The following NTNG1 variants were observed in gnomAD, a reference collection of about 807,000 sequenced individuals.
The protein encoded by NTNG1 is netrin G1.
Under a neutral mutation model 54.0 loss-of-function variants are expected in NTNG1, and 16 were observed. The observed-to-expected ratio is 0.30, with a 90% CI of 0.20 to 0.45. The LOEUF (loss-of-function observed/expected upper bound fraction) is 0.45. Among genes scored for constraint, NTNG1 ranks in the 20% least tolerant of loss-of-function variants. NTNG1 has a pLI of 1.00. For missense variants in NTNG1, 530 were observed against 678.7 expected (o/e 0.78, Z 2.43); for synonymous variants, 255 against 263.1 (o/e 0.97, Z 0.30).
chr1:107,143,989 C>T (rs1189710192), intron 1 of NTNG1, among the ~76,000 whole-genome samples: 1 of 151,984 alleles, frequency 6.6e-6, no homozygotes, highest in African/African-American at 2.4e-5. Context: ...GCTCATAATA[C>T]CCAATCAAGT....
intron 2 of NTNG1, among the ~76,000 whole-genome samples, chr1:107,150,748 G>A (rs533816598): frequency 2.6e-5 from 4 of 152,242 alleles, no homozygotes; most frequent in East Asian, 3.9e-4. Flanking sequence ...GGTTTACTTG[G>A]TGTCTTCAGC....
intron 7 of NTNG1, among the ~76,000 whole-genome samples, chr1:107,440,529 T>C (rs1413542955): frequency 3.9e-5 from 6 of 152,198 alleles, no homozygotes; most frequent in Non-Finnish European, 7.3e-5. Context: ...ATAATGAATG[T>C]GGACCTCGTA....
chr1:107,290,381 G>C (rs2101760318), intron 2 of NTNG1, among the ~76,000 whole-genome samples: 1 of 152,270 alleles, frequency 6.6e-6, no homozygotes, highest in South Asian at 2.1e-4. Context: ...AAAGAGTATG[G>C]AGATAGAAAG....
At chr1:107,146,185 C>T (rs890330511) in intron 1 of NTNG1, among the ~76,000 whole-genome samples, 6 of 152,038 alleles carry the variant, frequency 3.9e-5, no homozygotes, top group South Asian at 4.2e-4. Context: ...CAGTCAATTC[C>T]GGGTCTTCAA....
At chr1:107,164,182 C>G (rs1002764493) in intron 2 of NTNG1, among the ~76,000 whole-genome samples, 3 of 152,202 alleles carry the variant, frequency 2.0e-5, no homozygotes, top group African/African-American at 2.4e-5. Flanking sequence ...TAGCTTTGTA[C>G]TGTGGCTTGA....
chr1:107,251,084 G>A (rs918497428), intron 2 of NTNG1, among the ~76,000 whole-genome samples: 6 of 152,172 alleles, frequency 3.9e-5, no homozygotes, highest in African/African-American at 1.2e-4. Flanking sequence ...ATTTCATGCA[G>A]TAATGCTTCA....
intron 5 of NTNG1, among the ~76,000 whole-genome samples, chr1:107,420,244 C>T (rs974496096): frequency 1.3e-5 from 2 of 152,070 alleles, no homozygotes; most frequent in African/African-American, 4.8e-5. Flanking sequence ...TTATGTAATA[C>T]CAGTTGCACT....
At chr1:107,420,819 C>T (rs112803649) in intron 5 of NTNG1, among the ~76,000 whole-genome samples, 25 of 151,966 alleles carry the variant, frequency 1.6e-4, no homozygotes, top group African/African-American at 5.8e-4. Flanking sequence ...TGGTAACAAT[C>T]CTTGCTTCAC....
rs145483187 is a variant in NTNG1, at chr1:107,179,962, T to G, written c.246+31123T>G. Among the ~76,000 whole-genome samples the G allele has an allele frequency of 5.0e-3, 768 of 152,222 alleles. 4 individuals are homozygous for G. The highest frequency in any genetic ancestry group is 0.017 in the African/African-American group (726 of 41,558). On this transcript the variant is annotated intron_variant, in intron 2 of 7. Transcript: ENST00000370068. ...GTCCAATATGCAAGATTGCAAAAGC[T>G]CCACTTTAAAACTCCGGTGTACACA...
intron 7 of NTNG1, among the ~76,000 whole-genome samples, chr1:107,458,536 A>T (rs1249006542): frequency 2.0e-5 from 3 of 152,208 alleles, no homozygotes; most frequent in Non-Finnish European, 4.4e-5. Context: ...AATAGGTATC[A>T]TTTGAGACAT....
intron 4 of NTNG1, among the ~76,000 whole-genome samples, chr1:107,398,658 G>T (rs1672837574): frequency 6.6e-6 from 1 of 152,094 alleles, no homozygotes; most frequent in African/African-American, 2.4e-5. Flanking sequence ...TTTTATTCAA[G>T]ACCCAGTGTG....
intron 7 of NTNG1, among the ~76,000 whole-genome samples, chr1:107,455,286 A>T (rs554079173): frequency 4.7e-4 from 72 of 151,862 alleles, no homozygotes; most frequent in Middle Eastern, 3.4e-3. Flanking sequence ...CTGGTGTCGA[A>T]CTCCTGACCT....
intron 2 of NTNG1, among the ~76,000 whole-genome samples, chr1:107,175,751 T>A (rs1656598046): frequency 6.6e-6 from 1 of 152,182 alleles, no homozygotes; most frequent in African/African-American, 2.4e-5. Flanking sequence ...TTTTCTTGAA[T>A]GAGATAATTT....
chr1:107,334,968 T>C (rs1454840030), intron 3 of NTNG1, among the ~76,000 whole-genome samples: 1 of 152,018 alleles, frequency 6.6e-6, no homozygotes, highest in Non-Finnish European at 1.5e-5. Flanking sequence ...TTTTTGGCTA[T>C]GTCACTTCAT....
chr1:107,359,816 G>C (rs1670155030), intron 3 of NTNG1, among the ~76,000 whole-genome samples: 1 of 149,012 alleles, frequency 6.7e-6, no homozygotes, highest in Middle Eastern at 3.5e-3. Context: ...AGTGTGATAA[G>C]ATGAAAAAAA....
At chr1:107,246,381 A>T (rs1353043498) in intron 2 of NTNG1, among the ~76,000 whole-genome samples, 2 of 147,964 alleles carry the variant, frequency 1.4e-5, no homozygotes, top group African/African-American at 5.0e-5. Context: ...TAAAGTCAAT[A>T]TGAGAGTTTT....
chr1:107,193,336 C>G (rs1345380303), intron 2 of NTNG1, among the ~76,000 whole-genome samples: 1 of 151,996 alleles, frequency 6.6e-6, no homozygotes, highest in African/African-American at 2.4e-5. Flanking sequence ...TTTGTGTTCT[C>G]CAAGCCTGGA....
At chr1:107,312,513 C>G (rs1279868000) in intron 2 of NTNG1, among the ~76,000 whole-genome samples, 1 of 152,108 alleles carries the variant, frequency 6.6e-6, no homozygotes, top group Non-Finnish European at 1.5e-5. Context: ...AAAAATTACA[C>G]TGTAGCTAAG....
chr1:107,343,680 C>T (rs1033578569), intron 3 of NTNG1, among the ~76,000 whole-genome samples: 1 of 152,066 alleles, frequency 6.6e-6, no homozygotes, highest in African/African-American at 2.4e-5. Flanking sequence ...CTGAGGGCCA[C>T]CAAAAAGAGC....
Sources: gnomAD v4.1 joint callset for allele counts (sites outside exome capture counted in the v4.1 genomes callset) on GRCh38, gnomAD v4.1.1 for gene constraint, MANE v1.5 for transcripts, NCBI Gene and HGNC (gene_info 2026-07-23, HGNC 2026-07-21) for gene names.